FNIP2: variants seen among roughly 807,000 people sequenced by gnomAD.
FNIP2 encodes the protein folliculin-interacting protein 2.
FNIP2 carries 32 observed loss-of-function variants against 108.7 expected under a neutral mutation model. The observed-to-expected ratio is 0.29, with a 90% CI of 0.22 to 0.40. The LOEUF (loss-of-function observed/expected upper bound fraction) is 0.40. FNIP2 is among the 10% of genes least tolerant of loss of function. The pLI is 1.00. For missense variants in FNIP2, 1,202 were observed against 1,381.6 expected, an observed-to-expected ratio of 0.87 and a Z score of 2.06; for synonymous variants, 480 against 496.7, an observed-to-expected ratio of 0.97 and a Z score of 0.45.
chr4:158,842,813 T>C (rs1353433080), intron 7 of FNIP2, among the ~76,000 whole-genome samples: 1 of 152,146 alleles, frequency 6.6e-6, no homozygotes, highest in African/African-American at 2.4e-5. Flanking sequence ...TTTATAGGAA[T>C]TTTATTAAAA....
chr4:158,872,738 T>G (rs1781026402), intron 14 of FNIP2: 5 of 979,898 alleles, frequency 5.1e-6, no homozygotes, highest in Admixed American at 6.2e-5. Context: ...GGTAGTGTTT[T>G]TTTTTTTTTT....
intron 1 of FNIP2, among the ~76,000 whole-genome samples, chr4:158,789,405 A>T (rs1776330162): frequency 1.3e-5 from 2 of 152,194 alleles, no homozygotes; most frequent in African/African-American, 4.8e-5. Context: ...TATGAAGGAC[A>T]GTTCATTTAT....
At chr4:158,860,485 T>G (rs574943100) in intron 10 of FNIP2, among the ~76,000 whole-genome samples, 1 of 152,268 alleles carries the variant, frequency 6.6e-6, no homozygotes, top group Admixed American at 6.5e-5. Context: ...TGGTGATTGC[T>G]AAGACTTAAG....
At chr4:158,806,543 G>A in intron 1 of FNIP2, 1 of 600,364 alleles carries the variant, frequency 1.7e-6, no homozygotes, top group South Asian at 1.9e-5. Flanking sequence ...TTCTAAGTAG[G>A]AGAAATGGGG....
At chr4:158,801,887 T>C (rs1160226096) in intron 1 of FNIP2, among the ~76,000 whole-genome samples, 4 of 152,156 alleles carry the variant, frequency 2.6e-5, no homozygotes, top group Non-Finnish European at 4.4e-5. Flanking sequence ...CTATCCATGG[T>C]CATGTTTCTG....
chr4:158,881,246 G>A (rs1019653568), intron 14 of FNIP2, among the ~76,000 whole-genome samples: 1 of 142,578 alleles, frequency 7.0e-6, no homozygotes, highest in Admixed American at 6.9e-5. Context: ...CTCTTTCCAC[G>A]GTCTCCCTCT....
At chr4:158,885,971 A>G (rs966468821) in intron 14 of FNIP2, among the ~76,000 whole-genome samples, 1 of 152,216 alleles carries the variant, frequency 6.6e-6, no homozygotes. Context: ...TCAAGGCAGC[A>G]TATTTTGTGT....
At chr4:158,806,123 A>G in intron 1 of FNIP2, 1 of 1,195,786 alleles carries the variant, frequency 8.4e-7, no homozygotes, top group African/African-American at 1.6e-5. Context: ...TAGGGAGTGA[A>G]ATGATTGTTT....
At chr4:158,804,163 A>C (rs538584159) in intron 1 of FNIP2, among the ~76,000 whole-genome samples, 1 of 152,214 alleles carries the variant, frequency 6.6e-6, no homozygotes, top group Admixed American at 6.5e-5. Context: ...GCTGGTCTCA[A>C]ACTCCTGACC....
chr4:158,832,928 C>T (rs1778563224), intron 5 of FNIP2, among the ~76,000 whole-genome samples: 1 of 152,154 alleles, frequency 6.6e-6, no homozygotes, highest in Admixed American at 6.5e-5. Context: ...TTTGTCAGCT[C>T]TACACACAGC....
chr4:158,842,361 G>A (rs1560794147), intron 7 of FNIP2, among the ~76,000 whole-genome samples: 1 of 152,158 alleles, frequency 6.6e-6, no homozygotes, highest in South Asian at 2.1e-4. Flanking sequence ...TAAATGGAGC[G>A]ATACATCAAA....
chr4:158,850,582 A>T (rs1016131239), intron 7 of FNIP2, among the ~76,000 whole-genome samples: 1 of 150,084 alleles, frequency 6.7e-6, no homozygotes, highest in Non-Finnish European at 1.5e-5. Flanking sequence ...AGCAGAAAGC[A>T]TATTGGAGAG....
At chr4:158,892,223 C>T (rs1043834717) in intron 15 of FNIP2, among the ~76,000 whole-genome samples, 17 of 150,390 alleles carry the variant, frequency 1.1e-4, no homozygotes, top group African/African-American at 3.4e-4. Flanking sequence ...CTGCAACCTC[C>T]GCCTCCTGGG....
chr4:158,860,194 CTCTGA>C (rs1215632385), intron 10 of FNIP2, among the ~76,000 whole-genome samples: 1 of 152,120 alleles, frequency 6.6e-6, no homozygotes, highest in Non-Finnish European at 1.5e-5. Flanking sequence ...GTGGGATCCT[CTCTGA>C]TCATGCTGAG....
chr4:158,895,124 A>G (rs1782558360), intron 15 of FNIP2, among the ~76,000 whole-genome samples: 1 of 152,168 alleles, frequency 6.6e-6, no homozygotes, highest in Non-Finnish European at 1.5e-5. Context: ...CACTATTCCA[A>G]GGGTAAAGAT....
chr4:158,802,738 G>A (rs1230180610), intron 1 of FNIP2, among the ~76,000 whole-genome samples: 2 of 152,178 alleles, frequency 1.3e-5, no homozygotes, highest in African/African-American at 2.4e-5. Context: ...CACTGCATCC[G>A]AAGGTTTTGG....
At chr4:158,825,825 A>G in intron 1 of FNIP2, 91 bp from the exon 2 acceptor site, 1 of 1,466,722 alleles carries the variant, frequency 6.8e-7, no homozygotes, top group South Asian at 1.2e-5. Flanking sequence ...TTTGATGTGC[A>G]CACAGGCATG....
intron 1 of FNIP2, among the ~76,000 whole-genome samples, chr4:158,787,747 C>A (rs192996788): frequency 6.5e-4 from 99 of 152,280 alleles, no homozygotes; most frequent in African/African-American, 2.0e-3. Flanking sequence ...ACTTTTGCTT[C>A]TTTCTGGCAT....
In FNIP2 at chr4:158,868,836, C is replaced by T. The variant is rs199737425; in HGVS notation, c.2200C>T (p.Arg734Cys). Residue 734 changes from arginine to cysteine, a missense_variant, in exon 13 of 17, where the codon CGC becomes TGC. By Grantham distance (180) the Arg-to-Cys change is radical. Around this residue, in one of 5 missense-constraint regions of FNIP2, gnomAD observed 878 missense variants for 990.3 expected, o/e 0.89. Coordinates refer to ENST00000264433, the MANE Select transcript of FNIP2 (RefSeq NM_020840.3). This position sits in a 1 kb window ranked among gnomAD's most constrained non-coding sequence, Gnocchi z 4.6. Reference sequence around the variant, plus strand: ...ATCTCCAGAGTCTGACTTTGAAAGCCGCATGAAAAAAATGGAGGAACGGGT... The same window carrying T: ...ATCTCCAGAGTCTGACTTTGAAAGCTGCATGAAAAAAATGGAGGAACGGGT... ...FASPESDFES[R>C]MKKMEERVKA... is the part of the protein sequence containing the mutation. 84 of 1,613,556 alleles carry T rather than the reference C, an allele frequency of 5.2e-5. 1 individual carries two copies. The highest frequency in any genetic ancestry group is 8.0e-5 in the African/African-American group (6 of 74,888).
Sources: gnomAD v4.1 joint callset for allele counts (sites outside exome capture counted in the v4.1 genomes callset) on GRCh38, gnomAD v4.1.1 for gene constraint, gnomAD v4.1.1 regional missense constraint, Gnocchi (gnomAD v3.1) non-coding constraint, MANE v1.5 for transcripts, NCBI Gene and HGNC (gene_info 2026-07-23, HGNC 2026-07-21) for gene names.